MAP3K11: variants seen among roughly 807,000 people sequenced by gnomAD.
The protein encoded by MAP3K11 is SH3 domain-containing proline-rich kinase.
In MAP3K11, 46 loss-of-function variants were observed where a neutral mutation model predicts 84.9. The observed-to-expected ratio is 0.54, with a 90% confidence interval of 0.43 to 0.69. The LOEUF (loss-of-function observed/expected upper bound fraction) is 0.69. MAP3K11 is among the 30% of genes least tolerant of loss of function. MAP3K11 has a pLI of 0.00. For missense variants in MAP3K11, 1,053 were observed against 1,198.3 expected, an observed-to-expected ratio of 0.88 and a Z score of 1.79; for synonymous variants, 527 against 514.7, an observed-to-expected ratio of 1.02 and a Z score of -0.32.
intron 8 of MAP3K11, among the ~76,000 whole-genome samples, chr11:65,603,199 G>C (rs1307819492): frequency 6.6e-6 from 1 of 152,266 alleles, no homozygotes; most frequent in Non-Finnish European, 1.5e-5. Flanking sequence ...TCAATGGCCT[G>C]AGAAACTGAG....
At position 65,613,714 on chromosome 11, in the gene MAP3K11, A is replaced by T; in HGVS notation, c.43T>A (p.Ser15Thr). 6.3e-7 allele frequency: 1 copy of T among 1,598,728 alleles called. No homozygotes were observed. The highest frequency in any genetic ancestry group is 8.5e-7 in the Non-Finnish European group (1 of 1,173,342). ...KSLFLKSPLG[S>T]WNGSGSGGGG... ...CCCCCGCTGCCACTGCCATTCCATG[A>T]CCCTAGAGGGCTCTTGAGGAAGAGG... The change falls in exon 1 of 10, where the codon TCA (serine) becomes ACA (threonine). Residue 15 changes from serine (S) to threonine (T), a missense_variant. Ser to Thr is a moderately conservative substitution (Grantham distance 58). Transcript: ENST00000309100.
Position 65,606,430 on chromosome 11 carries a change from G to C in MAP3K11, c.1603+261C>G, listed in dbSNP as rs367624099. 5.0e-4 allele frequency: 213 copies of C among 423,288 alleles called. 1 individual carries two copies. The highest frequency in any genetic ancestry group is 4.2e-3 in the African/African-American group (203 of 48,704). 26.2% of individuals were successfully genotyped at this position (423,288 alleles called of 1,614,324 possible). On this transcript the variant is annotated intron_variant, in intron 6 of 9. Coordinates refer to ENST00000309100, the MANE Select transcript of MAP3K11 (RefSeq NM_002419.4). ...TAACAACAAAAATAACTACCAAATAGAATTATTGCAAGAAATTAATATTAG... is the reference window on the plus strand; with the variant it reads ...TAACAACAAAAATAACTACCAAATACAATTATTGCAAGAAATTAATATTAG...
At chr11:65,599,287 G>T in intron 9 of MAP3K11, 107 bp downstream of exon 9, 1 of 1,325,170 alleles carries the variant, frequency 7.5e-7, no homozygotes, top group South Asian at 1.5e-5. Context: ...TCCAGCTGAT[G>T]ACTGTGGTCT....
rs1854400862 is a variant in MAP3K11 at position 65,598,015 on chromosome 11, C to T, written c.*276G>A. ...CCTGCATCACCCCAGCAGGCAATTC[C>T]CTGAGACAGGCTCTGGTCCTCCCAA... On this transcript the variant is annotated 3_prime_UTR_variant, in exon 10 of 10. Coordinates refer to ENST00000309100, the MANE Select transcript of MAP3K11 (RefSeq NM_002419.4). 8.3e-6 allele frequency: 3 copies of T among 360,366 alleles called. No homozygotes were observed. The highest frequency in any genetic ancestry group is 2.1e-5 in the African/African-American group (1 of 47,886). The allele number at this position is 360,366 out of a possible 1,614,324, so 22.3% of individuals were successfully genotyped here. A position where few individuals can be genotyped will look rare whatever the true frequency, so the allele number is the denominator to read the frequency against.
rs765441333 is a variant in MAP3K11, at chr11:65,598,243, G to A, written c.*48C>T. The A allele has an allele frequency of 1.5e-6, 2 of 1,374,246 alleles. No individual in the cohort carries two copies. The highest frequency in any genetic ancestry group is 3.5e-5 in the South Asian group (2 of 57,512). 85.1% of individuals were successfully genotyped at this position (1,374,246 alleles called of 1,614,324 possible). ...CCCAGCTCCTGTTCCAGTGTATGCT[G>A]TGACTCCTCCTAAGGCAGCTGGAGC... On this transcript the variant is annotated 3_prime_UTR_variant, in exon 10 of 10. Transcript: ENST00000309100.
chr11:65,597,964 CCCTCTTCCCTGCA>C lies in MAP3K11; in HGVS notation c.*314_*326del, dbSNP rs1854400250. ...AGTGCTGGTGACAGCTGAGGCCGGC[CCCTCTTCCCTGCA>C]CCTCCCCTCCTCCCTGCATCACCCC... On this transcript the variant is annotated 3_prime_UTR_variant, in exon 10 of 10. Coordinates refer to ENST00000309100, the MANE Select transcript of MAP3K11 (RefSeq NM_002419.4). The C allele has an allele frequency of 3.6e-6, 1 of 276,804 alleles. No homozygotes were observed. Among genetic ancestry groups the C allele is most frequent in the African/African-American group, 2.2e-5 (1 of 45,972 alleles). The allele number at this position is 276,804 out of a possible 1,614,324, so 17.1% of individuals were successfully genotyped here. A position where few individuals can be genotyped will look rare whatever the true frequency, so the allele number is the denominator to read the frequency against.
intron 5 of MAP3K11, 172 bp from the exon 6 acceptor site, chr11:65,606,976 A>G: frequency 1.7e-6 from 1 of 580,800 alleles, no homozygotes. Context: ...GGATAAGGAA[A>G]GCTACTCGTC....
chr11:65,600,347 G>A (rs1854442521), intron 8 of MAP3K11, among the ~76,000 whole-genome samples: 1 of 152,242 alleles, frequency 6.6e-6, no homozygotes, highest in African/African-American at 2.4e-5. Flanking sequence ...CAAGGTCACA[G>A]CTAATTTACA....
intron 8 of MAP3K11, among the ~76,000 whole-genome samples, chr11:65,600,145 G>A (rs961621407): frequency 7.9e-5 from 12 of 152,206 alleles, no homozygotes; most frequent in African/African-American, 1.2e-4. Flanking sequence ...TGGGACCGGC[G>A]CCCTGTGCTC....
At chr11:65,607,247 A>T in intron 5 of MAP3K11, 23 bp downstream of exon 5, 1 of 1,461,766 alleles carries the variant, frequency 6.8e-7, no homozygotes, top group Non-Finnish European at 8.9e-7. Context: ...ATGGCGGGGG[A>T]CGCCCCGGGG....
rs779681234 is a variant in MAP3K11 at position 65,606,695 on chromosome 11, G to C, written c.1599C>G (p.Ile533Met). ...DSPTFPRFRA[I>M]QLEPAEPGQA... is the part of the protein sequence containing the mutation. ...ATGAGAGGTGAAGTTTCTTACACTG[G>C]ATGGCTCGGAACCGGGGAAAGGTGG... The change falls in exon 6 of 10, where the codon ATC becomes ATG. Residue 533 changes from isoleucine (I) to methionine (M), a missense_variant. Physicochemically the swap from Ile to Met is conservative, Grantham distance 10. Coordinates refer to ENST00000309100, the MANE Select transcript of MAP3K11 (RefSeq NM_002419.4). 6.3e-7 allele frequency: 1 copy of C among 1,595,742 alleles called. No individual in the cohort carries two copies. The highest frequency in any genetic ancestry group is 8.5e-7 in the Non-Finnish European group (1 of 1,171,724).
intron 1 of MAP3K11, chr11:65,612,716 G>A (rs1055767654): frequency 4.6e-5 from 14 of 304,874 alleles, no homozygotes; most frequent in African/African-American, 2.8e-4. Flanking sequence ...CTTCCTTGAG[G>A]TGGGAGCCAT....
chr11:65,598,665 C>G (rs996572655), intron 9 of MAP3K11, 37 bp from the exon 10 acceptor site: 19 of 1,417,382 alleles, frequency 1.3e-5, no homozygotes, highest in Non-Finnish European at 1.6e-5. Flanking sequence ...GTCAAGCAAC[C>G]CCCAACTGCT....
At position 65,598,515 on chromosome 11, in the gene MAP3K11, T is replaced by C; in HGVS notation, c.2320A>G (p.Ser774Gly). 1 of 1,613,048 alleles carries C rather than the reference T, an allele frequency of 6.2e-7. No individual in the cohort carries two copies. The highest frequency in any genetic ancestry group is 8.5e-7 in the Non-Finnish European group (1 of 1,179,544). ...ISRPRPSPLR[S>G]RIDPWSFVSA... The stretch of plus-strand genomic sequence containing the variant: ...ACAAAGCTCCAGGGATCAATGCGGC[T>C]GCGAAGGGGCGAGGGCCGAGGTCGG... The change falls in exon 10 of 10, where the codon AGC becomes GGC. Residue 774 changes from serine to glycine, a missense_variant. Coordinates refer to ENST00000309100, the MANE Select transcript of MAP3K11 (RefSeq NM_002419.4).
At chr11:65,602,546 T>C (rs1242062506) in intron 8 of MAP3K11, among the ~76,000 whole-genome samples, 2 of 151,968 alleles carry the variant, frequency 1.3e-5, no homozygotes, top group African/African-American at 4.8e-5. Context: ...CTTGGGAGGC[T>C]GAGGCAGGAG....
chr11:65,602,099 A>C (rs2135364978), intron 8 of MAP3K11, among the ~76,000 whole-genome samples: 1 of 149,406 alleles, frequency 6.7e-6, no homozygotes, highest in East Asian at 2.1e-4. Context: ...GCTACTTGGG[A>C]GGCTGAGGCA....
intron 8 of MAP3K11, among the ~76,000 whole-genome samples, chr11:65,604,793 G>A (rs992703410): frequency 2.6e-5 from 4 of 152,164 alleles, no homozygotes; most frequent in African/African-American, 9.7e-5. Context: ...GCAGCTAAGC[G>A]GGTCCTACAT....
chr11:65,605,873 AG>A lies in MAP3K11; in HGVS notation c.1740-22del, dbSNP rs761826276. Reference sequence around the variant, plus strand: ...TTCTCCTGGTGATGGGAGGGCAAGGAGGGGTGCTTTAGGAATTTCAGGACTT... The same window carrying A: ...TTCTCCTGGTGATGGGAGGGCAAGGAGGGTGCTTTAGGAATTTCAGGACTT... On this transcript the variant is annotated intron_variant, in intron 7 of 9. Coordinates refer to ENST00000309100, the MANE Select transcript of MAP3K11 (RefSeq NM_002419.4). 1.2e-5 allele frequency: 19 copies of A among 1,612,588 alleles called. No homozygotes were observed. In the Admixed American group the frequency reaches 2.3e-4, roughly 20 times the overall value.
rs772354978 is a variant in MAP3K11 at position 65,599,665 on chromosome 11, C to G, written c.1935G>C (p.Leu645=). 3.2e-6 allele frequency: 5 copies of G among 1,550,914 alleles called. No homozygotes were observed. The highest frequency in any genetic ancestry group is 4.3e-6 in the Non-Finnish European group (5 of 1,153,286). ...SGTPKLIQRA[L]LRGTALLASL... is the part of the protein sequence containing the mutation. ...AGGCGAGCAGGGCGGTGCCGCGCAGCAGCGCCCGCTGGATCAGCTTGGGCG... is the reference window on the plus strand; with the variant it reads ...AGGCGAGCAGGGCGGTGCCGCGCAGGAGCGCCCGCTGGATCAGCTTGGGCG... The change falls in exon 9 of 10, where the codon CTG becomes CTC. Residue 645 remains leucine, a synonymous_variant. Transcript: ENST00000309100.
Sources: gnomAD v4.1 joint callset for allele counts (sites outside exome capture counted in the v4.1 genomes callset) on GRCh38, gnomAD v4.1.1 for gene constraint, MANE v1.5 for transcripts, NCBI Gene and HGNC (gene_info 2026-07-23, HGNC 2026-07-21) for gene names.